The following ARHGAP6 variants were observed in gnomAD, a reference collection of about 807,000 sequenced individuals.
ARHGAP6 encodes rho GTPase-activating protein 6.
Under a neutral mutation model 55.7 loss-of-function variants are expected in ARHGAP6, and 16 were observed. The observed-to-expected ratio is 0.29, with a 90% CI of 0.19 to 0.44. ARHGAP6 has a LOEUF of 0.44. Among genes scored for constraint, ARHGAP6 ranks in the 20% least tolerant of loss-of-function variants. The pLI is 1.00. For missense variants in ARHGAP6, 698 were observed against 808.9 expected, an observed-to-expected ratio of 0.86 and a Z score of 1.66; for synonymous variants, 382 against 360.9, an observed-to-expected ratio of 1.06 and a Z score of -0.66.
chrX:11,357,005 AC>A (rs1455290283), intron 1 of ARHGAP6, among the ~76,000 whole-genome samples: 1 of 110,831 alleles, frequency 9.0e-6, no homozygotes, highest in Non-Finnish European at 1.9e-5. Context: ...TATCCTCTTT[AC>A]CTCCTTGTTG....
At chrX:11,625,251 A>G (rs766391709) in intron 1 of ARHGAP6, among the ~76,000 whole-genome samples, 3 of 111,217 alleles carry the variant, frequency 2.7e-5, no homozygotes, top group Admixed American at 9.6e-5. Flanking sequence ...AAGATATAGT[A>G]TCCATCAATG....
At chrX:11,538,769 T>A (rs1435647733) in intron 1 of ARHGAP6, among the ~76,000 whole-genome samples, 1 of 111,111 alleles carries the variant, frequency 9.0e-6, no homozygotes, top group Non-Finnish European at 1.9e-5. Flanking sequence ...AAGATCAAGA[T>A]TTCTCAACCT....
At chrX:11,518,090 C>T (rs1257299700) in intron 1 of ARHGAP6, among the ~76,000 whole-genome samples, 3 of 111,779 alleles carry the variant, frequency 2.7e-5, no homozygotes, top group African/African-American at 6.5e-5. Flanking sequence ...TCCTTACCCA[C>T]GCACTCATCC....
At chrX:11,516,437 T>A (rs2050841316) in intron 1 of ARHGAP6, among the ~76,000 whole-genome samples, 1 of 112,202 alleles carries the variant, frequency 8.9e-6, no homozygotes, top group Non-Finnish European at 1.9e-5. Flanking sequence ...TTTGGTTTCA[T>A]TTTGTTCTTC....
chrX:11,173,922 A>T (rs1021732352), intron 8 of ARHGAP6, among the ~76,000 whole-genome samples: 1 of 111,737 alleles, frequency 8.9e-6, no homozygotes, highest in African/African-American at 3.3e-5. Context: ...AAGCTTCTTG[A>T]CAATCTGCTT....
chrX:11,397,883 CAAAACAAAAATG>C (rs1274635876), intron 1 of ARHGAP6, among the ~76,000 whole-genome samples: 4 of 111,565 alleles, frequency 3.6e-5, no homozygotes, highest in African/African-American at 1.3e-4. Context: ...GACTCTGTCT[CAAAACAAAAATG>C]AAAACAAAAA....
chrX:11,286,471 C>A (rs1051643804), intron 1 of ARHGAP6, among the ~76,000 whole-genome samples: 1 of 111,441 alleles, frequency 9.0e-6, no homozygotes, highest in African/African-American at 3.3e-5. Context: ...TGGACCTTCA[C>A]AGACCCTGAA....
At chrX:11,193,361 A>C (rs978828965) in intron 3 of ARHGAP6, among the ~76,000 whole-genome samples, 1 of 112,550 alleles carries the variant, frequency 8.9e-6, no homozygotes, top group African/African-American at 3.2e-5. Context: ...TACAAATCCA[A>C]ATGCTAATAC....
chrX:11,427,446 G>A (rs1258878414), intron 1 of ARHGAP6: 4 of 878,147 alleles, frequency 4.6e-6, no homozygotes, highest in Non-Finnish European at 4.2e-6. Flanking sequence ...CCCCTCAGCC[G>A]TGGACCTGTG....
intron 9 of ARHGAP6, among the ~76,000 whole-genome samples, chrX:11,159,589 CAGG>C (rs951429302): frequency 9.0e-6 from 1 of 110,850 alleles, no homozygotes; most frequent in African/African-American, 3.3e-5. Context: ...GGAGAAGCTG[CAGG>C]AGGAGAAGGT....
chrX:11,655,241 G>C (rs200772095), intron 1 of ARHGAP6, among the ~76,000 whole-genome samples: 2 of 94,004 alleles, frequency 2.1e-5, no homozygotes, highest in Admixed American at 2.7e-4. Flanking sequence ...TTTTATTGTT[G>C]AGTAATTTTT....
At chrX:11,218,899 T>A (rs756550872) in intron 2 of ARHGAP6, among the ~76,000 whole-genome samples, 86 of 110,345 alleles carry the variant, frequency 7.8e-4, no homozygotes, top group African/African-American at 1.2e-3. Flanking sequence ...TTTTTTTTTT[T>A]ATTATACTTT....
Position 11,333,076 on chromosome X carries a change from T to A in ARHGAP6, c.589-78369A>T, listed in dbSNP as rs192731274. ...ACAATCATCGAAGAAGATGCTCAGATAAATTGCAGTTACCTTCTCCACTGA... is the reference window on the plus strand; with the variant it reads ...ACAATCATCGAAGAAGATGCTCAGAAAAATTGCAGTTACCTTCTCCACTGA... On this transcript the variant is annotated intron_variant, in intron 1 of 12. Coordinates refer to ENST00000337414, the MANE Select transcript of ARHGAP6 (RefSeq NM_013427.3). Among the ~76,000 whole-genome samples, 20 of 112,200 alleles carry A rather than the reference T, an allele frequency of 1.8e-4. No individual in the cohort carries two copies. In the East Asian group the frequency reaches 5.6e-3, roughly 31 times the overall value.
rs766374759 is a variant in ARHGAP6, at chrX:11,383,265, C to T, written c.589-128558G>A. ...TTGTGGAGAAAAATCTGGAAACTCTCAAGGGGATTTTATTGCTGATCTGAA... is the reference window on the plus strand; with the variant it reads ...TTGTGGAGAAAAATCTGGAAACTCTTAAGGGGATTTTATTGCTGATCTGAA... On this transcript the variant is annotated intron_variant, in intron 1 of 12. Coordinates refer to ENST00000337414, the MANE Select transcript of ARHGAP6 (RefSeq NM_013427.3). 2.7e-5 allele frequency among the ~76,000 whole-genome samples: 3 copies of T among 111,650 alleles called. No homozygotes were observed. The East Asian group carries it at 8.4e-4, about 31-fold the overall frequency.
chrX:11,152,656 T>A (rs980230175), intron 10 of ARHGAP6, among the ~76,000 whole-genome samples: 4 of 111,801 alleles, frequency 3.6e-5, no homozygotes, highest in African/African-American at 1.3e-4. Context: ...AAATCACACC[T>A]CTTTTCCTTC....
At position 11,189,634 on chromosome X, in the gene ARHGAP6, C is replaced by T. The variant is rs369546074; in HGVS notation, c.821-650G>A. On this transcript the variant is annotated intron_variant, in intron 3 of 12. Transcript: ENST00000337414. Reference sequence around the variant, plus strand: ...GGCTGTCACTCTCGTGATCTACACTCAAGCCATTCTACTGGCCACATGCAG... The same window carrying T: ...GGCTGTCACTCTCGTGATCTACACTTAAGCCATTCTACTGGCCACATGCAG... Among the ~76,000 whole-genome samples, 18 of 112,102 alleles carry T rather than the reference C, an allele frequency of 1.6e-4. No homozygotes were observed. In the East Asian group the frequency reaches 2.5e-3, roughly 16 times the overall value.
chrX:11,202,763 G>T (rs2046648011), intron 2 of ARHGAP6, among the ~76,000 whole-genome samples: 1 of 81,204 alleles, frequency 1.2e-5, no homozygotes. Context: ...TTGTTCCACT[G>T]CACTCCAGCC....
At chrX:11,260,159 C>T (rs1361062946) in intron 1 of ARHGAP6, among the ~76,000 whole-genome samples, 1 of 111,264 alleles carries the variant, frequency 9.0e-6, no homozygotes, top group African/African-American at 3.3e-5. Flanking sequence ...GAAATGCACA[C>T]AGCTTCTAGT....
In ARHGAP6 at chrX:11,578,835, G is replaced by A. The variant is rs751829325; in HGVS notation, c.588+85406C>T. 3.6e-5 allele frequency among the ~76,000 whole-genome samples: 4 copies of A among 111,290 alleles called. No homozygotes were observed. The South Asian group carries it at 1.5e-3, about 43-fold the overall frequency. ...GAAAATGTGGCACATATACACCATG[G>A]AATACTAGGCAGCTATAAAAAAGGA... On this transcript the variant is annotated intron_variant, in intron 1 of 12. Coordinates refer to ENST00000337414, the MANE Select transcript of ARHGAP6 (RefSeq NM_013427.3).
Sources: gnomAD v4.1 joint callset for allele counts (sites outside exome capture counted in the v4.1 genomes callset) on GRCh38, gnomAD v4.1.1 for gene constraint, MANE v1.5 for transcripts, NCBI Gene and HGNC (gene_info 2026-07-23, HGNC 2026-07-21) for gene names.